RNF32: variants seen among roughly 807,000 people sequenced by gnomAD.
RNF32 encodes ring finger protein 32.
In RNF32, 36 loss-of-function variants were observed where a neutral mutation model predicts 41.0. The observed-to-expected ratio is 0.88, with a 90% CI of 0.67 to 1.16. The LOEUF is 1.16. Among genes scored for constraint, RNF32 ranks in the 50% most tolerant of loss-of-function variants. The pLI, the probability that RNF32 is intolerant of heterozygous loss-of-function variation, is 0.00. For missense variants in RNF32, 413 were observed against 436.7 expected (o/e 0.95, Z 0.48); for synonymous variants, 154 against 160.9 (o/e 0.96, Z 0.32).
At chr7:156,660,241 C>G in intron 7 of RNF32, 1 of 985,374 alleles carries the variant, frequency 1.0e-6, no homozygotes, top group Non-Finnish European at 1.2e-6. Context: ...TTTTTCAAAG[C>G]CTAGCTGAAG....
Position 156,641,244 on chromosome 7 carries a change from G to T in RNF32, c.-78+433G>T, listed in dbSNP as rs1797265711. On this transcript the variant is annotated intron_variant, in intron 1 of 8. Coordinates refer to ENST00000317955, the MANE Select transcript of RNF32 (RefSeq NM_030936.4). ...TTCAGAAGGCAGGAGATAACACCAA[G>T]ACCCTACGTAGGATTGCATCTTTAC... Among the ~76,000 whole-genome samples, 5 of 152,326 alleles carry T rather than the reference G, an allele frequency of 3.3e-5. No individual in the cohort carries two copies. The South Asian group carries it at 1.0e-3, about 32-fold the overall frequency.
chr7:156,642,028 C>T (rs1563062998), intron 1 of RNF32, among the ~76,000 whole-genome samples: 1 of 152,322 alleles, frequency 6.6e-6, no homozygotes, highest in Non-Finnish European at 1.5e-5. Context: ...TCTCCACTCA[C>T]GCCTTAGTGA....
At chr7:156,645,499 A>G (rs1797862589) in intron 3 of RNF32, among the ~76,000 whole-genome samples, 1 of 152,220 alleles carries the variant, frequency 6.6e-6, no homozygotes, top group African/African-American at 2.4e-5. Flanking sequence ...ACAGAAGCAA[A>G]TGAAGACCTA....
In RNF32 at chr7:156,675,764, C is replaced by T. The variant is rs560066728; in HGVS notation, c.753C>T (p.Ile251=). ...ACATTGAAGAGCTCTTTGCAGAAAT[C>T]GATCAGTGCTTGGCCATAAATCGAA... The part of the protein sequence containing the change: ...NTNIEELFAE[I]DQCLAINRSV... The change falls in exon 8 of 9, where the codon ATC becomes ATT. Residue 251 remains isoleucine (I), a synonymous_variant. Coordinates refer to ENST00000317955, the MANE Select transcript of RNF32 (RefSeq NM_030936.4). The T allele has an allele frequency of 4.3e-6, 7 of 1,612,892 alleles. No individual in the cohort carries two copies. The highest frequency in any genetic ancestry group is 4.5e-5 in the East Asian group (2 of 44,844).
In RNF32 at chr7:156,676,425, C is replaced by T. The variant is rs1389511127; in HGVS notation, c.859C>T (p.Arg287Cys). 9.3e-6 allele frequency: 15 copies of T among 1,613,946 alleles called. No homozygotes were observed. The highest frequency in any genetic ancestry group is 4.5e-5 in the East Asian group (2 of 44,888). ...EWEKIQVQALRRETHECSICL... is the reference protein window; with the variant it reads ...EWEKIQVQALCRETHECSICL... ...CCCGTCCTGTGTGCCGCAGGCTCTGCGCCGGGAGACCCACGAGTGCTCCAT... is the reference window on the plus strand; with the variant it reads ...CCCGTCCTGTGTGCCGCAGGCTCTGTGCCGGGAGACCCACGAGTGCTCCAT... The change falls in exon 9 of 9, where the codon CGC (arginine) becomes TGC (cysteine). Residue 287 changes from arginine to cysteine, a missense_variant. Coordinates refer to ENST00000317955, the MANE Select transcript of RNF32 (RefSeq NM_030936.4).
At chr7:156,675,156 C>T (rs1273527056) in intron 7 of RNF32, among the ~76,000 whole-genome samples, 1 of 152,236 alleles carries the variant, frequency 6.6e-6, no homozygotes, top group African/African-American at 2.4e-5. Flanking sequence ...GCAGCGGAGA[C>T]CCGAAGAGAC....
chr7:156,670,600 G>A lies in RNF32; in HGVS notation c.685-5096G>A, dbSNP rs188939921. On this transcript the variant is annotated intron_variant, in intron 7 of 8. Transcript: ENST00000317955. The surrounding 1 kb of genome is among the most constrained non-coding windows in gnomAD (Gnocchi z 4.3). ...AGTGAGCCTGCAGAACACAAAGCAC[G>A]GAGTCATCTTGGAAGTGGCCAGGAA... Among the ~76,000 whole-genome samples the A allele has an allele frequency of 8.4e-4, 128 of 152,290 alleles. No homozygotes were observed. The highest frequency in any genetic ancestry group is 3.0e-3 in the African/African-American group (126 of 41,548).
chr7:156,640,211 G>C (rs749950832), upstream of RNF32: 6 of 453,428 alleles, frequency 1.3e-5, no homozygotes, highest in African/African-American at 8.1e-5. Context: ...GGCGCGGGGG[G>C]ATCGGGGGAT....
chr7:156,654,799 C>A, intron 4 of RNF32, 81 bp downstream of exon 4: 1 of 1,356,402 alleles, frequency 7.4e-7, no homozygotes, highest in Non-Finnish European at 1.0e-6. Context: ...CCTAAGATTC[C>A]AAGCTTCCTT....
In RNF32 at chr7:156,646,392, C is replaced by T. The variant is rs77066387; in HGVS notation, c.274+1635C>T. 3,196 of 1,301,534 alleles carry T rather than the reference C, an allele frequency of 2.5e-3. 71 individuals are homozygous for T. In the African/African-American group the frequency reaches 0.043, roughly 18 times the overall value. The allele number at this position is 1,301,534 out of a possible 1,614,324, so 80.6% of individuals were successfully genotyped here. ...GGCAGCGTCACTCCAATCTCTGCCTCTGACTTCACAAAACCTTCTTCTCTA... is the reference window on the plus strand; with the variant it reads ...GGCAGCGTCACTCCAATCTCTGCCTTTGACTTCACAAAACCTTCTTCTCTA... On this transcript the variant is annotated intron_variant, in intron 3 of 8. Coordinates refer to ENST00000317955, the MANE Select transcript of RNF32 (RefSeq NM_030936.4).
At chr7:156,654,806 C>G in intron 4 of RNF32, 88 bp downstream of exon 4, 1 of 1,307,874 alleles carries the variant, frequency 7.6e-7, no homozygotes, top group Non-Finnish European at 1.1e-6. Context: ...TTCCAAGCTT[C>G]CTTTTTCCAG....
At chr7:156,664,278 A>G (rs1324165932) in intron 7 of RNF32, among the ~76,000 whole-genome samples, 2 of 152,010 alleles carry the variant, frequency 1.3e-5, no homozygotes, top group Non-Finnish European at 2.9e-5. Context: ...CCTGACCAAC[A>G]TGGAGAAACC....
At chr7:156,655,426 G>A (rs1799498752) in intron 4 of RNF32, among the ~76,000 whole-genome samples, 1 of 152,208 alleles carries the variant, frequency 6.6e-6, no homozygotes, top group Non-Finnish European at 1.5e-5. Context: ...GTGCGTGCGT[G>A]GTTGCCCTGT....
At chr7:156,657,204 GC>G (rs1426431177) in intron 4 of RNF32, among the ~76,000 whole-genome samples, 7 of 152,202 alleles carry the variant, frequency 4.6e-5, no homozygotes, top group African/African-American at 1.4e-4. Flanking sequence ...CACTGGACAG[GC>G]CCCCCTCCTC....
chr7:156,675,976 C>A (rs1349096978), intron 8 of RNF32, 113 bp downstream of exon 8: 2 of 1,135,548 alleles, frequency 1.8e-6, no homozygotes, highest in African/African-American at 1.5e-5. Context: ...CTAGGAGTGT[C>A]AGGCCCGGGG....
chr7:156,653,809 T>C (rs946660009), intron 3 of RNF32, among the ~76,000 whole-genome samples: 5 of 152,072 alleles, frequency 3.3e-5, no homozygotes, highest in Admixed American at 3.3e-4. Context: ...TGATGATACG[T>C]CATAGAAAGT....
intron 7 of RNF32, among the ~76,000 whole-genome samples, chr7:156,671,395 G>A (rs2365510): frequency 0.59 from 89,756 of 152,108 alleles, 27,988 homozygotes; most frequent in African/African-American, 0.79. Flanking sequence ...TACAGAAGAA[G>A]GCTGATGTGC....
chr7:156,675,987 T>TG, intron 8 of RNF32, 124 bp downstream of exon 8: 1 of 981,880 alleles, frequency 1.0e-6, no homozygotes, highest in South Asian at 1.7e-5. Flanking sequence ...AGGCCCGGGG[T>TG]GCAGCCGTGG....
In RNF32 at chr7:156,676,849, A is replaced by C; in HGVS notation, c.*194A>C. 1 of 570,194 alleles carries C rather than the reference A, an allele frequency of 1.8e-6. No individual in the cohort carries two copies. Among genetic ancestry groups the C allele is most frequent in the Non-Finnish European group, 3.1e-6 (1 of 322,098 alleles). The allele number at this position is 570,194 out of a possible 1,614,324, so 35.3% of individuals were successfully genotyped here. On this transcript the variant is annotated 3_prime_UTR_variant, in exon 9 of 9. Coordinates refer to ENST00000317955, the MANE Select transcript of RNF32 (RefSeq NM_030936.4). Reference sequence around the variant, plus strand: ...CTAATTTTAATCTTTGGTCTCTAAAAAGTAAATTTCAAATTTATGAGTTTA... The same window carrying C: ...CTAATTTTAATCTTTGGTCTCTAAACAGTAAATTTCAAATTTATGAGTTTA...
Sources: allele counts gnomAD v4.1 joint callset (sites outside exome capture counted in the v4.1 genomes callset), GRCh38; gene constraint gnomAD v4.1.1; non-coding constraint Gnocchi (gnomAD v3.1); transcripts MANE v1.5; gene names NCBI Gene and HGNC (gene_info 2026-07-23, HGNC 2026-07-21).